The following RECQL5 variants were observed in gnomAD, a reference collection of about 807,000 sequenced individuals.
The protein encoded by RECQL5 is ATP-dependent DNA helicase Q5.
A neutral mutation model predicts 103.4 loss-of-function variants in RECQL5; 88 were observed. The observed-to-expected ratio is 0.85, with a 90% CI of 0.72 to 1.02. RECQL5 has a LOEUF of 1.02. Among genes scored for constraint, RECQL5 ranks in the 50% least tolerant of loss-of-function variants. The pLI, the probability that RECQL5 is intolerant of heterozygous loss-of-function variation, is 0.00. For missense variants in RECQL5, 1,232 were observed against 1,284.3 expected (o/e 0.96, Z 0.62); for synonymous variants, 552 against 507.9 (o/e 1.09, Z -1.17).
Position 75,628,960 on chromosome 17 carries a change from A to G in RECQL5, c.2463T>C (p.Thr821=), listed in dbSNP as rs971618209. The G allele has an allele frequency of 1.3e-6, 2 of 1,567,378 alleles. No individual in the cohort carries two copies. The highest frequency in any genetic ancestry group is 1.4e-5 in the African/African-American group (1 of 72,452). ...AGGHSPAPPQ[T]EECLRERPST... ...TTGGCCTCTCCCTGAGGCACTCCTC[A>G]GTCTGGGGAGGGGCAGGCGAATGTC... The change falls in exon 16 of 20, where the codon ACT becomes ACC. Residue 821 remains threonine, a synonymous_variant. Coordinates refer to ENST00000317905, the MANE Select transcript of RECQL5 (RefSeq NM_004259.7).
rs2059422169 is a variant in RECQL5, at chr17:75,640,787, C to A, written c.1230-9119G>T. On this transcript the variant is annotated intron_variant, in intron 8 of 19. Transcript: ENST00000317905. The surrounding 1 kb of genome is among the most constrained non-coding windows in gnomAD (Gnocchi z 4.6). ...GAGTCCCGTGCTCTCTCCCGGCCCT[C>A]CAGCTACTGTTCTGCTGTTGCTGCT... 8 of 1,549,894 alleles carry A rather than the reference C, an allele frequency of 5.2e-6. No homozygotes were observed. Among genetic ancestry groups the A allele is most frequent in the Non-Finnish European group, 7.0e-6 (8 of 1,146,496 alleles).
At chr17:75,637,617 C>T (rs2059349758) in intron 8 of RECQL5, 1 of 152,266 alleles carries the variant, frequency 6.6e-6, no homozygotes, top group Non-Finnish European at 1.5e-5. Context: ...AAGACCTGTA[C>T]CTGTGGTGAC....
At chr17:75,649,661 C>T (rs2059530504) in intron 8 of RECQL5, 9 of 985,466 alleles carry the variant, frequency 9.1e-6, no homozygotes, top group Non-Finnish European at 1.1e-5. Flanking sequence ...GTGCTACACG[C>T]CAGTTATGCA....
Position 75,665,044 on chromosome 17 carries a change from G to A in RECQL5, c.252+7C>T. The A allele has an allele frequency of 6.3e-7, 1 of 1,586,810 alleles. No individual in the cohort carries two copies. The highest frequency in any genetic ancestry group is 8.5e-7 in the Non-Finnish European group (1 of 1,170,456). Reference sequence around the variant, plus strand: ...TGGGCTACCATCTTCATTGCCCTAAGCCTCACCTGAATCAAAGCAATGAGA... The same window carrying A: ...TGGGCTACCATCTTCATTGCCCTAAACCTCACCTGAATCAAAGCAATGAGA... On this transcript the variant is annotated splice_region_variant and intron_variant, in intron 3 of 19. Coordinates refer to ENST00000317905, the MANE Select transcript of RECQL5 (RefSeq NM_004259.7).
At chr17:75,655,131 A>C (rs1456648692) in intron 7 of RECQL5, among the ~76,000 whole-genome samples, 1 of 151,964 alleles carries the variant, frequency 6.6e-6, no homozygotes, top group Non-Finnish European at 1.5e-5. Flanking sequence ...TTTTCTGGGA[A>C]CTTTCTTTTC....
chr17:75,635,295 G>A (rs961856930), intron 8 of RECQL5, among the ~76,000 whole-genome samples: 5 of 152,262 alleles, frequency 3.3e-5, no homozygotes, highest in East Asian at 3.9e-4. Context: ...GGGGCACAGC[G>A]GTGAGCCTGG....
At chr17:75,645,933 A>C (rs1010666351) in intron 8 of RECQL5, among the ~76,000 whole-genome samples, 1 of 152,146 alleles carries the variant, frequency 6.6e-6, no homozygotes, top group Non-Finnish European at 1.5e-5. Context: ...AAGCCCTTGG[A>C]GGGCAGGGCC....
chr17:75,666,344 C>G (rs1159456673), intron 2 of RECQL5, 84 bp downstream of exon 2: 7 of 1,490,088 alleles, frequency 4.7e-6, no homozygotes, highest in South Asian at 1.2e-5. Flanking sequence ...TGAGGCAGTA[C>G]GAAGGGTGAG....
chr17:75,665,875 A>T (rs2059770393), intron 2 of RECQL5, among the ~76,000 whole-genome samples: 1 of 152,132 alleles, frequency 6.6e-6, no homozygotes, highest in Admixed American at 6.5e-5. Context: ...CCTCTTGGCA[A>T]CTTCCATTTG....
chr17:75,647,630 T>C, intron 8 of RECQL5: 2 of 1,488,464 alleles, frequency 1.3e-6, no homozygotes, highest in Non-Finnish European at 1.8e-6. Flanking sequence ...ATTCCAGTGG[T>C]GGGCCCCTTC....
Position 75,657,611 on chromosome 17 carries a change from G to T in RECQL5, c.1149+687C>A, listed in dbSNP as rs183565932. Among the ~76,000 whole-genome samples the T allele has an allele frequency of 3.2e-4, 49 of 152,066 alleles. 1 individual carries two copies. The highest frequency in any genetic ancestry group is 6.8e-3 in the Middle Eastern group (2 of 294). Reference sequence around the variant, plus strand: ...CCAAAAACTGAAAAAAAAATTAGCTGGGCGTGGTGGCACACACCTGTGGTC... The same window carrying T: ...CCAAAAACTGAAAAAAAAATTAGCTTGGCGTGGTGGCACACACCTGTGGTC... On this transcript the variant is annotated intron_variant, in intron 7 of 19. Transcript: ENST00000317905.
chr17:75,652,626 C>G (rs1338677804), intron 7 of RECQL5: 1 of 152,488 alleles, frequency 6.6e-6, no homozygotes, highest in Non-Finnish European at 1.5e-5. Flanking sequence ...CAGGCCTGGA[C>G]CCACAGCTCC....
chr17:75,630,609 T>C lies in RECQL5; in HGVS notation c.1718+10A>G. On this transcript the variant is annotated intron_variant, in intron 13 of 19. Transcript: ENST00000317905. The stretch of plus-strand genomic sequence containing the variant: ...GGAGTGCTCCTCAGCCCAGTGATCG[T>C]GGAACTCACTCATCAGCGGTACGTG... 1.2e-6 allele frequency: 2 copies of C among 1,613,286 alleles called. No homozygotes were observed. Among genetic ancestry groups the C allele is most frequent in the Non-Finnish European group, 1.7e-6 (2 of 1,179,566 alleles).
chr17:75,661,477 A>G, intron 5 of RECQL5, 129 bp downstream of exon 5: 2 of 681,360 alleles, frequency 2.9e-6, no homozygotes. Flanking sequence ...TAAGTGTATC[A>G]CTTTAGCTCT....
At chr17:75,666,639 A>T (rs1599071382) in intron 1 of RECQL5, 68 bp from the exon 2 acceptor site, 1 of 1,473,480 alleles carries the variant, frequency 6.8e-7, no homozygotes, top group Non-Finnish European at 9.2e-7. Flanking sequence ...CATTAAAAAT[A>T]CAGATTATTT....
intron 12 of RECQL5, 24 bp from the exon 13 acceptor site, chr17:75,630,716 T>TCGC (rs1423391564): frequency 5.6e-6 from 9 of 1,609,868 alleles, no homozygotes; most frequent in Non-Finnish European, 7.6e-6. Context: ...GTGAGACTGG[T>TCGC]CGCATGGCCT....
At chr17:75,660,366 G>A (rs1470903379) in intron 6 of RECQL5, among the ~76,000 whole-genome samples, 1 of 152,204 alleles carries the variant, frequency 6.6e-6, no homozygotes, top group East Asian at 1.9e-4. Context: ...CACTGTGCCC[G>A]GCCAGGGATA....
intron 3 of RECQL5, among the ~76,000 whole-genome samples, chr17:75,664,409 C>A (rs1046650656): frequency 6.6e-6 from 1 of 152,154 alleles, no homozygotes; most frequent in Non-Finnish European, 1.5e-5. Context: ...CTCAACATCA[C>A]GAGTGCACGT....
rs1405479518 is a variant in RECQL5 at position 75,645,750 on chromosome 17, C to T, written c.1229+5436G>A. ...AGAACGACTGTTCTAAATCTGCCTC[C>T]ATCTGTCATCCAACCCTGGCCACAC... On this transcript the variant is annotated intron_variant, in intron 8 of 19. Coordinates refer to ENST00000317905, the MANE Select transcript of RECQL5 (RefSeq NM_004259.7). Among the ~76,000 whole-genome samples, 4 of 152,232 alleles carry T rather than the reference C, an allele frequency of 2.6e-5. No homozygotes were observed. The East Asian group carries it at 7.7e-4, about 29-fold the overall frequency.
Sources: gnomAD v4.1 joint callset for allele counts (sites outside exome capture counted in the v4.1 genomes callset) on GRCh38, gnomAD v4.1.1 for gene constraint, Gnocchi (gnomAD v3.1) non-coding constraint, MANE v1.5 for transcripts, NCBI Gene and HGNC (gene_info 2026-07-23, HGNC 2026-07-21) for gene names.